Variants in CSMD1 observed in about 807,000 individuals in gnomAD.
CSMD1 encodes the protein CUB and Sushi multiple domains 1, also known as CUB and sushi domain-containing protein 1.
A neutral mutation model predicts 417.5 loss-of-function variants in CSMD1; 213 were observed. The observed-to-expected ratio is 0.51, with a 90% CI of 0.46 to 0.57. The LOEUF is 0.57. Among genes scored for constraint, CSMD1 ranks in the 20% least tolerant of loss-of-function variants. The probability of loss-of-function intolerance (pLI) is 0.00; values close to 1 mark genes in which losing one functional copy is unlikely to be tolerated. For synonymous variants in CSMD1, 2,862 were observed against 1,736.8 expected, an observed-to-expected ratio of 1.65 and a Z score of -16.11; for missense variants, 6,923 against 4,529.7, an observed-to-expected ratio of 1.53 and a Z score of -15.17.
At chr8:4,237,992 A>G (rs1176047649) in intron 3 of CSMD1, among the ~76,000 whole-genome samples, 2 of 152,192 alleles carry the variant, frequency 1.3e-5, no homozygotes, top group African/African-American at 2.4e-5. Context: ...AGAGGCATGC[A>G]CAGGCCTACT....
At chr8:4,321,306 C>A (rs1476168141) in intron 3 of CSMD1, among the ~76,000 whole-genome samples, 1 of 152,094 alleles carries the variant, frequency 6.6e-6, no homozygotes, top group Non-Finnish European at 1.5e-5. Context: ...CAGTCTCTTG[C>A]CTATTGTTTC....
intron 6 of CSMD1, among the ~76,000 whole-genome samples, chr8:3,745,403 A>C (rs1272451998): frequency 1.3e-5 from 2 of 152,198 alleles, no homozygotes; most frequent in East Asian, 1.9e-4. Context: ...ACATTTCTTC[A>C]AAATTGCTCT....
At chr8:4,272,279 A>G (rs923608130) in intron 3 of CSMD1, among the ~76,000 whole-genome samples, 1 of 152,218 alleles carries the variant, frequency 6.6e-6, no homozygotes, top group African/African-American at 2.4e-5. Context: ...AAGAAAACTT[A>G]TAAATAGAAA....
At chr8:4,301,508 C>T (rs1431837750) in intron 3 of CSMD1, among the ~76,000 whole-genome samples, 1 of 152,166 alleles carries the variant, frequency 6.6e-6, no homozygotes, top group Non-Finnish European at 1.5e-5. Flanking sequence ...CTATTGAAAG[C>T]TCTACTCTTG....
At position 4,012,638 on chromosome 8, in the gene CSMD1, T is replaced by C. The variant is rs1034905887; in HGVS notation, c.611-14528A>G. Among the ~76,000 whole-genome samples the C allele has an allele frequency of 2.6e-5, 4 of 152,120 alleles. No homozygotes were observed. The South Asian group carries it at 6.2e-4, about 24-fold the overall frequency. The stretch of plus-strand genomic sequence containing the variant: ...CTGTATGTCTACAGTTTTCAGAGTG[T>C]CCATCAGTTCCATGAATGTCTCCTG... On this transcript the variant is annotated intron_variant, in intron 4 of 69. Coordinates refer to ENST00000635120, the MANE Select transcript of CSMD1 (RefSeq NM_033225.6).
chr8:3,816,921 C>T (rs577969933), intron 5 of CSMD1, among the ~76,000 whole-genome samples: 214 of 152,202 alleles, frequency 1.4e-3, no homozygotes, highest in Non-Finnish European at 2.5e-3. Flanking sequence ...ATGGTCCTCC[C>T]TATTCTACTA....
chr8:3,582,777 G>T (rs1426776353), intron 9 of CSMD1, among the ~76,000 whole-genome samples: 1 of 152,082 alleles, frequency 6.6e-6, no homozygotes, highest in Non-Finnish European at 1.5e-5. Context: ...GAGTATTTGG[G>T]TTAAATAAAA....
rs114690321 is a variant in CSMD1, at chr8:4,793,340, C to A, written c.86-155782G>T. The stretch of plus-strand genomic sequence containing the variant: ...CAGAAGAGGCATTTTTATTATAGTA[C>A]TATAACTACTACACTGATATCATTT... On this transcript the variant is annotated intron_variant, in intron 1 of 69. Coordinates refer to ENST00000635120, the MANE Select transcript of CSMD1 (RefSeq NM_033225.6). Among the ~76,000 whole-genome samples the A allele has an allele frequency of 8.5e-3, 1,293 of 152,114 alleles. 33 individuals are homozygous for A. The highest frequency in any genetic ancestry group is 0.03 in the African/African-American group (1,241 of 41,478).
At chr8:3,286,460 C>G (rs908146498) in intron 25 of CSMD1, among the ~76,000 whole-genome samples, 2 of 152,106 alleles carry the variant, frequency 1.3e-5, no homozygotes, top group African/African-American at 4.8e-5. Context: ...GAAAGTGTTC[C>G]TATTTCTCCA....
At chr8:3,713,928 T>C (rs1426545046) in intron 6 of CSMD1, among the ~76,000 whole-genome samples, 2 of 152,080 alleles carry the variant, frequency 1.3e-5, no homozygotes, top group African/African-American at 4.8e-5. Flanking sequence ...AGGCAAAAAG[T>C]TTTATTTAAG....
At chr8:4,725,738 C>T (rs1448203318) in intron 1 of CSMD1, among the ~76,000 whole-genome samples, 1 of 152,140 alleles carries the variant, frequency 6.6e-6, no homozygotes, top group African/African-American at 2.4e-5. Context: ...AAACAATTTG[C>T]TGTGCTTATT....
At chr8:4,502,597 A>G (rs770157293) in intron 2 of CSMD1, among the ~76,000 whole-genome samples, 21 of 152,172 alleles carry the variant, frequency 1.4e-4, no homozygotes, top group Non-Finnish European at 2.4e-4. Flanking sequence ...GCCACTCCTC[A>G]TTTTAAAAAA....
chr8:4,380,473 G>A (rs1314153354), intron 3 of CSMD1, among the ~76,000 whole-genome samples: 2 of 152,162 alleles, frequency 1.3e-5, no homozygotes, highest in Admixed American at 6.5e-5. Flanking sequence ...ATCTGTCGAG[G>A]TCATCAAAGA....
intron 12 of CSMD1, among the ~76,000 whole-genome samples, chr8:3,415,738 T>C (rs1313347569): frequency 6.6e-6 from 1 of 152,218 alleles, no homozygotes; most frequent in Non-Finnish European, 1.5e-5. Flanking sequence ...GAGAATCTGA[T>C]GAAGCTCAGT....
At chr8:4,265,295 G>C (rs917397054) in intron 3 of CSMD1, among the ~76,000 whole-genome samples, 1 of 151,946 alleles carries the variant, frequency 6.6e-6, no homozygotes, top group Non-Finnish European at 1.5e-5. Flanking sequence ...AAAATAGTGA[G>C]ATTAAAAACA....
chr8:4,545,070 G>A (rs1797571410), intron 2 of CSMD1, among the ~76,000 whole-genome samples: 1 of 152,222 alleles, frequency 6.6e-6, no homozygotes, highest in Non-Finnish European at 1.5e-5. Flanking sequence ...GCACACATAT[G>A]TGTGTATGAT....
At chr8:3,693,806 G>T (rs760790989) in intron 7 of CSMD1, among the ~76,000 whole-genome samples, 1 of 151,622 alleles carries the variant, frequency 6.6e-6, no homozygotes, top group Non-Finnish European at 1.5e-5. Flanking sequence ...TCGTGTGTGT[G>T]TGTGTTGTGT....
intron 3 of CSMD1, among the ~76,000 whole-genome samples, chr8:4,152,653 G>A (rs187453235): frequency 7.2e-5 from 11 of 151,758 alleles, no homozygotes; most frequent in East Asian, 3.9e-4. Flanking sequence ...TTGTGCCAGC[G>A]CACCGCAACC....
chr8:3,914,082 T>C (rs904898542), intron 5 of CSMD1, among the ~76,000 whole-genome samples: 1 of 152,176 alleles, frequency 6.6e-6, no homozygotes, highest in African/African-American at 2.4e-5. Flanking sequence ...TAAAGAGTCA[T>C]ATTTGAATTA....
Sources: allele counts gnomAD v4.1 joint callset (sites outside exome capture counted in the v4.1 genomes callset), GRCh38; gene constraint gnomAD v4.1.1; transcripts MANE v1.5; gene names NCBI Gene and HGNC (gene_info 2026-07-23, HGNC 2026-07-21).